Variants in PLXNC1 observed in about 807,000 individuals in gnomAD.
PLXNC1 encodes the protein plexin-C1.
In PLXNC1, 75 loss-of-function variants were observed where a neutral mutation model predicts 178.2. The observed-to-expected ratio is 0.42, with a 90% CI of 0.35 to 0.51. The LOEUF is 0.51. Among genes scored for constraint, PLXNC1 ranks in the 20% least tolerant of loss-of-function variants. The pLI is 0.02. For synonymous variants in PLXNC1, 790 were observed against 779.9 expected (o/e 1.01, Z -0.22); for missense variants, 1,503 against 1,984.4 (o/e 0.76, Z 4.61).
chr12:94,292,661 T>A (rs1346797686), intron 23 of PLXNC1, among the ~76,000 whole-genome samples: 2 of 152,142 alleles, frequency 1.3e-5, no homozygotes, highest in East Asian at 3.9e-4. Flanking sequence ...AACACAGAAT[T>A]TATTTATGTT....
rs761958827 is a variant in PLXNC1 at position 94,298,637 on chromosome 12, A to G, written c.4080A>G (p.Ala1360=). 1 of 1,588,844 alleles carries G rather than the reference A, an allele frequency of 6.3e-7. No homozygotes were observed. The highest frequency in any genetic ancestry group is 8.5e-7 in the Non-Finnish European group (1 of 1,171,872). The stretch of plus-strand genomic sequence containing the variant: ...TGATGTTGTCTATCTTTCAGGTGGC[A>G]ATTCATTCTGTGCTTGAAAAACTTT... The part of the protein sequence containing the change: ...YLTKLLSTKV[A]IHSVLEKLFR... The change falls in exon 27 of 31, where the codon GCA becomes GCG. Residue 1360 remains alanine, a synonymous_variant. Coordinates refer to ENST00000258526, the MANE Select transcript of PLXNC1 (RefSeq NM_005761.3).
At chr12:94,293,102 T>C (rs1967528251) in intron 23 of PLXNC1, among the ~76,000 whole-genome samples, 1 of 152,238 alleles carries the variant, frequency 6.6e-6, no homozygotes, top group Non-Finnish European at 1.5e-5. Flanking sequence ...TATACTTTCT[T>C]TTCTGTCGAG....
chr12:94,171,143 T>C (rs191853331), intron 2 of PLXNC1, among the ~76,000 whole-genome samples: 2 of 152,316 alleles, frequency 1.3e-5, no homozygotes, highest in African/African-American at 4.8e-5. Context: ...TTGCCTGTCC[T>C]GTGTGTTCAC....
In PLXNC1 at chr12:94,233,722, C is replaced by T. The variant is rs181951974; in HGVS notation, c.1981-3942C>T. ...CAGGGGCTAAGCATCAAATGGATAA[C>T]CATTTTGTTCCATTTCACACTCTAA... On this transcript the variant is annotated intron_variant, in intron 9 of 30. Coordinates refer to ENST00000258526, the MANE Select transcript of PLXNC1 (RefSeq NM_005761.3). Among the ~76,000 whole-genome samples the T allele has an allele frequency of 1.5e-3, 229 of 152,258 alleles. 1 individual carries two copies. Among genetic ancestry groups the T allele is most frequent in the African/African-American group, 5.4e-3 (226 of 41,542 alleles).
At chr12:94,177,071 G>GTATATATA (rs1962078411) in intron 2 of PLXNC1, among the ~76,000 whole-genome samples, 2 of 141,458 alleles carry the variant, frequency 1.4e-5, no homozygotes, top group Non-Finnish European at 3.1e-5. Flanking sequence ...GTGTGTGTGT[G>GTATATATA]TGTGTGTATA....
chr12:94,261,223 A>G (rs1245396255), intron 20 of PLXNC1, among the ~76,000 whole-genome samples: 1 of 152,234 alleles, frequency 6.6e-6, no homozygotes, highest in Non-Finnish European at 1.5e-5. Context: ...GCCTACCAAT[A>G]TGCTGTAAGC....
At chr12:94,246,175 C>G (rs1018747227) in intron 12 of PLXNC1, among the ~76,000 whole-genome samples, 2 of 152,236 alleles carry the variant, frequency 1.3e-5, no homozygotes, top group African/African-American at 2.4e-5. Flanking sequence ...GTTGGGGAAC[C>G]TCCTGCAGGG....
At chr12:94,192,735 A>G (rs1962772298) in intron 4 of PLXNC1, among the ~76,000 whole-genome samples, 1 of 152,148 alleles carries the variant, frequency 6.6e-6, no homozygotes, top group Admixed American at 6.5e-5. Context: ...TATTCCATTG[A>G]TAAAGCAAGC....
chr12:94,305,132 G>A (rs1177949237), intron 30 of PLXNC1, 49 bp from the exon 31 acceptor site: 1 of 1,221,006 alleles, frequency 8.2e-7, no homozygotes, highest in South Asian at 1.3e-5. Flanking sequence ...AAACAGAATT[G>A]TAACGCTAAA....
chr12:94,232,086 T>G (rs1034991823), intron 9 of PLXNC1, among the ~76,000 whole-genome samples: 9 of 152,320 alleles, frequency 5.9e-5, no homozygotes, highest in African/African-American at 2.2e-4. Flanking sequence ...TCTTCCTCCA[T>G]CACTTCTTCC....
chr12:94,300,030 T>G (rs1320706460), intron 27 of PLXNC1, among the ~76,000 whole-genome samples: 1 of 152,068 alleles, frequency 6.6e-6, no homozygotes, highest in African/African-American at 2.4e-5. Flanking sequence ...AGGCCAGAGT[T>G]GAAAAGGAGA....
intron 23 of PLXNC1, among the ~76,000 whole-genome samples, chr12:94,289,889 T>C (rs181662704): frequency 9.2e-5 from 14 of 152,360 alleles, no homozygotes; most frequent in Non-Finnish European, 4.4e-5. Context: ...AAAATGTTTC[T>C]ACACTTGCTC....
Position 94,290,899 on chromosome 12 carries a change from AAGG to A in PLXNC1, c.3880-3584_3880-3582del, listed in dbSNP as rs1967249781. Reference sequence around the variant, plus strand: ...GTCCTCCAGAAACAGTTCCAGAATGAAGGAGATTTGTGGATCTCTGACCTGCCT... The same window carrying A: ...GTCCTCCAGAAACAGTTCCAGAATGAAGATTTGTGGATCTCTGACCTGCCT... On this transcript the variant is annotated intron_variant, in intron 23 of 30. Transcript: ENST00000258526. Among the ~76,000 whole-genome samples the A allele has an allele frequency of 2.0e-5, 3 of 152,352 alleles. No homozygotes were observed. In the South Asian group the frequency reaches 6.2e-4, roughly 32 times the overall value.
In PLXNC1 at chr12:94,228,383, T is replaced by C. The variant is rs554035529; in HGVS notation, c.1980+1148T>C. ...TCTTTTTAATTAAACTTTGTTGTTG[T>C]TCCAGGGTTTGTTTGTTTGTTTTTT... On this transcript the variant is annotated intron_variant, in intron 9 of 30. Transcript: ENST00000258526. 1.7e-4 allele frequency among the ~76,000 whole-genome samples: 23 copies of C among 137,844 alleles called. No homozygotes were observed. The East Asian group carries it at 4.9e-3, about 30-fold the overall frequency. 90.4% of individuals were successfully genotyped at this position (137,844 alleles called of 152,430 possible).
intron 27 of PLXNC1, among the ~76,000 whole-genome samples, chr12:94,299,613 G>A (rs1269682420): frequency 1.3e-5 from 2 of 152,046 alleles, no homozygotes; most frequent in Non-Finnish European, 2.9e-5. Context: ...AGGCTGCAGT[G>A]CAGTGGTGGG....
At position 94,247,929 on chromosome 12, in the gene PLXNC1, C is replaced by T. The variant is rs766018102; in HGVS notation, c.2415C>T (p.Tyr805=). 1.2e-6 allele frequency: 2 copies of T among 1,614,052 alleles called. No individual in the cohort carries two copies. Among genetic ancestry groups the T allele is most frequent in the Non-Finnish European group, 1.7e-6 (2 of 1,179,992 alleles). ...TCTCTGAATATTGTGTGGCGACTTA[C>T]TGCGGGTTTTTAGCCCCCAGTTTAA... ...INVSEYCVAT[Y]CGFLAPSLKS... Residue 805 remains tyrosine (Y), a synonymous_variant, in exon 13 of 31, where the codon TAC becomes TAT. Coordinates refer to ENST00000258526, the MANE Select transcript of PLXNC1 (RefSeq NM_005761.3).
intron 14 of PLXNC1, among the ~76,000 whole-genome samples, chr12:94,248,925 C>T (rs12321241): frequency 0.036 from 5,545 of 152,098 alleles, 147 homozygotes; most frequent in East Asian, 0.11. Context: ...GTTTGGGGGA[C>T]GGATCACTGC....
intron 2 of PLXNC1, among the ~76,000 whole-genome samples, chr12:94,173,146 A>T (rs763569503): frequency 2.6e-5 from 4 of 152,144 alleles, no homozygotes; most frequent in Non-Finnish European, 4.4e-5. Context: ...ATCAGCTGAA[A>T]AGTATGGTCA....
intron 5 of PLXNC1, among the ~76,000 whole-genome samples, chr12:94,212,489 CGGCAGGCCCCGGTGTGTGATGTT>C (rs1963509543): frequency 7.9e-5 from 11 of 139,544 alleles, no homozygotes; most frequent in East Asian, 2.2e-4. Flanking sequence ...CCCCACCCCC[CGGCAGGCCCCGGTGTGTGATGTT>C]CCCCGCCCTG....
Sources: allele counts gnomAD v4.1 joint callset (sites outside exome capture counted in the v4.1 genomes callset), GRCh38; gene constraint gnomAD v4.1.1; transcripts MANE v1.5; gene names NCBI Gene and HGNC (gene_info 2026-07-23, HGNC 2026-07-21).